Variants in ANK2 observed in about 807,000 individuals in gnomAD.
ANK2 encodes the protein ankyrin-2.
ANK2 carries 83 observed loss-of-function variants against 360.5 expected under a neutral mutation model. The observed-to-expected ratio is 0.23, with a 90% CI of 0.19 to 0.28. ANK2 has a LOEUF of 0.28. Ranked by LOEUF, ANK2 falls within the 10% of genes least tolerant of loss-of-function variation. ANK2 has a pLI of 1.00. For missense variants in ANK2, 4,201 were observed against 4,795.7 expected, an observed-to-expected ratio of 0.88 and a Z score of 3.66; for synonymous variants, 1,740 against 1,759.5, an observed-to-expected ratio of 0.99 and a Z score of 0.28.
At chr4:113,065,323 T>C (rs1159773777) in intron 1 of ANK2, among the ~76,000 whole-genome samples, 2 of 152,234 alleles carry the variant, frequency 1.3e-5, no homozygotes, top group Admixed American at 1.3e-4. Context: ...TATATGTGTA[T>C]AATAAATATA....
rs17629025 is a variant in ANK2 at position 113,215,204 on chromosome 4, G to A, written c.384+16095G>A. ...GCAAATCCCACTCTACTTCTGAACA[G>A]GAGAGGAAAGGCAATGAAATATGTT... On this transcript the variant is annotated intron_variant, in intron 4 of 45. Coordinates refer to ENST00000357077, the MANE Select transcript of ANK2 (RefSeq NM_001148.6). 2.4e-3 allele frequency among the ~76,000 whole-genome samples: 368 copies of A among 152,218 alleles called. 8 individuals carry two copies. In the East Asian group the frequency reaches 0.046, roughly 19 times the overall value.
intron 2 of ANK2, among the ~76,000 whole-genome samples, chr4:112,963,677 A>C (rs2035904453): frequency 1.3e-5 from 2 of 152,130 alleles, no homozygotes; most frequent in Admixed American, 1.3e-4. Context: ...GCATTTGCTA[A>C]ATTCTTACAT....
chr4:113,030,378 A>G (rs992768666), intron 2 of ANK2, among the ~76,000 whole-genome samples: 1 of 152,122 alleles, frequency 6.6e-6, no homozygotes, highest in African/African-American at 2.4e-5. Context: ...TCAATTCCTT[A>G]CTGATGAGAT....
intron 34 of ANK2, among the ~76,000 whole-genome samples, chr4:113,345,494 T>A (rs1444970339): frequency 6.6e-6 from 1 of 152,242 alleles, no homozygotes; most frequent in African/African-American, 2.4e-5. Context: ...GAAGATCTAA[T>A]ATACAGCATT....
intron 2 of ANK2, among the ~76,000 whole-genome samples, chr4:113,042,667 G>A (rs993116404): frequency 6.6e-6 from 1 of 152,108 alleles, no homozygotes; most frequent in African/African-American, 2.4e-5. Flanking sequence ...TGCAGGCCTG[G>A]CTGGAAGCTA....
chr4:113,010,783 C>T (rs1396242996), intron 2 of ANK2, among the ~76,000 whole-genome samples: 1 of 152,026 alleles, frequency 6.6e-6, no homozygotes, highest in African/African-American at 2.4e-5. Flanking sequence ...TGTCCTCTTT[C>T]CCACTAGATA....
chr4:113,021,905 C>A (rs2058271995), intron 2 of ANK2, among the ~76,000 whole-genome samples: 2 of 152,120 alleles, frequency 1.3e-5, no homozygotes, highest in East Asian at 3.8e-4. Context: ...AAGAGCATAA[C>A]CTTCAGCTTC....
At chr4:112,863,104 T>G (rs2068698209) in intron 1 of ANK2, among the ~76,000 whole-genome samples, 1 of 152,224 alleles carries the variant, frequency 6.6e-6, no homozygotes, top group African/African-American at 2.4e-5. Context: ...AACTAACTTA[T>G]TTCTTTCCCC....
At chr4:113,074,368 C>A (rs1378933089) in intron 1 of ANK2, among the ~76,000 whole-genome samples, 3 of 152,082 alleles carry the variant, frequency 2.0e-5, no homozygotes, top group African/African-American at 4.8e-5. Context: ...AAATTCTGGG[C>A]CCTCAGAAAT....
intron 18 of ANK2, 129 bp downstream of exon 18, chr4:113,283,001 G>T (rs2062990514): frequency 9.9e-7 from 1 of 1,012,368 alleles, no homozygotes; most frequent in Non-Finnish European, 1.5e-6. Context: ...CAGACCCCAA[G>T]GACAGGAAGG....
At position 113,335,798 on chromosome 4, in the gene ANK2, A is replaced by G. The variant is rs1427770118; in HGVS notation, c.3380-48A>G. On this transcript the variant is annotated intron_variant, in intron 29 of 45. Transcript: ENST00000357077. ...AATGAGTTGGCTAGAATGCTGTTAG[A>G]AGGAAATCTTTGCTATGTGAATGAA... is the stretch of plus-strand genomic sequence containing the variant. 6 of 1,565,650 alleles carry G rather than the reference A, an allele frequency of 3.8e-6. No individual in the cohort carries two copies. The African/African-American group carries it at 6.8e-5, about 18-fold the overall frequency.
chr4:112,709,974 C>T, the ANK2 span, among the ~76,000 whole-genome samples: 1 of 152,142 alleles, frequency 6.6e-6, no homozygotes, highest in Non-Finnish European at 1.5e-5. Flanking sequence ...TGGCACCAAA[C>T]TAGTGTTCCT....
intron 1 of ANK2, among the ~76,000 whole-genome samples, chr4:113,109,989 G>A (rs2089948053): frequency 6.6e-6 from 1 of 152,114 alleles, no homozygotes; most frequent in Non-Finnish European, 1.5e-5. Flanking sequence ...CATATTTATG[G>A]AATATGAGTT....
chr4:113,131,726 G>C (rs116678281), intron 1 of ANK2, among the ~76,000 whole-genome samples: 210 of 152,326 alleles, frequency 1.4e-3, no homozygotes, highest in African/African-American at 4.8e-3. Flanking sequence ...GCAACAAGCA[G>C]TATATTGTAA....
intron 4 of ANK2, among the ~76,000 whole-genome samples, chr4:113,218,669 T>C (rs2153478474): frequency 6.6e-6 from 1 of 152,298 alleles, no homozygotes; most frequent in South Asian, 2.1e-4. Context: ...AGTGTTTTGA[T>C]GTTAGGTGTG....
At chr4:113,066,803 G>T (rs1464471146) in intron 1 of ANK2, among the ~76,000 whole-genome samples, 1 of 152,096 alleles carries the variant, frequency 6.6e-6, no homozygotes. Context: ...AGGTGTGTAT[G>T]CATGTAACTT....
the ANK2 span, among the ~76,000 whole-genome samples, chr4:112,731,744 A>T: frequency 1.3e-5 from 2 of 152,172 alleles, no homozygotes; most frequent in African/African-American, 2.4e-5. Context: ...AAAAAAAAAA[A>T]AAGTACATAT....
At chr4:113,128,930 C>T (rs1036664933) in intron 1 of ANK2, among the ~76,000 whole-genome samples, 5 of 152,170 alleles carry the variant, frequency 3.3e-5, no homozygotes, top group African/African-American at 9.6e-5. Context: ...CAAACCTAGC[C>T]TGCATCTTGG....
chr4:113,237,128 G>T lies in ANK2; in HGVS notation c.625G>T (p.Ala209Ser), dbSNP rs1060501154. ...TAGGAAAGACGACACCAAATCTGCCGCACTTCTGCTTCAGAATGACCACAA... is the reference window on the plus strand; with the variant it reads ...TAGGAAAGACGACACCAAATCTGCCTCACTTCTGCTTCAGAATGACCACAA... The part of the protein sequence containing the change: ...AARKDDTKSA[A>S]LLLQNDHNAD... Residue 209 changes from alanine (A) to serine (S), a missense_variant, in exon 6 of 46, where the codon GCA becomes TCA. Ala to Ser is a moderately conservative substitution (Grantham distance 99). Transcript: ENST00000357077. The T allele has an allele frequency of 2.0e-5, 32 of 1,614,064 alleles. No individual in the cohort carries two copies. The highest frequency in any genetic ancestry group is 2.7e-5 in the Non-Finnish European group (32 of 1,179,994).
Sources: allele counts gnomAD v4.1 joint callset (sites outside exome capture counted in the v4.1 genomes callset), GRCh38; gene constraint gnomAD v4.1.1; transcripts MANE v1.5; gene names NCBI Gene and HGNC (gene_info 2026-07-23, HGNC 2026-07-21).